Variants in PIP5K1C observed in about 807,000 individuals in gnomAD.
The protein encoded by PIP5K1C is phosphatidylinositol 4-phosphate 5-kinase type-1 gamma.
Under a neutral mutation model 80.1 loss-of-function variants are expected in PIP5K1C, and 45 were observed. The observed-to-expected ratio is 0.56, with a 90% CI of 0.44 to 0.72. PIP5K1C has a LOEUF of 0.72. Ranked by LOEUF, PIP5K1C falls within the 30% of genes least tolerant of loss-of-function variation. The probability of loss-of-function intolerance (pLI) is 0.00; values close to 1 mark genes in which losing one functional copy is unlikely to be tolerated. For synonymous variants in PIP5K1C, 498 were observed against 420.1 expected, an observed-to-expected ratio of 1.19 and a Z score of -2.27; for missense variants, 753 against 954.6, an observed-to-expected ratio of 0.79 and a Z score of 2.78.
rs373846147 is a variant in PIP5K1C at position 3,646,636 on chromosome 19, T to G, written c.1261-578A>C. Among the ~76,000 whole-genome samples the G allele has an allele frequency of 3.9e-4, 60 of 152,312 alleles. No homozygotes were observed. In the East Asian group the frequency reaches 0.011, roughly 27 times the overall value. ...GCCGAGACAGCGCTCCTATCTGCCC[T>G]GGGCAGCAGGTTCCGGGCCTTGGCA... On this transcript the variant is annotated intron_variant, in intron 10 of 17. Transcript: ENST00000335312.
intron 3 of PIP5K1C, among the ~76,000 whole-genome samples, chr19:3,664,548 T>G (rs2034944000): frequency 6.6e-6 from 1 of 152,088 alleles, no homozygotes; most frequent in South Asian, 2.1e-4. Context: ...GAGCCCAGGC[T>G]CTGCCCGAGG....
intron 11 of PIP5K1C, among the ~76,000 whole-genome samples, chr19:3,645,402 T>C (rs1568318224): frequency 6.6e-6 from 1 of 152,154 alleles, no homozygotes; most frequent in East Asian, 1.9e-4. Flanking sequence ...TGCGTCCAGA[T>C]GCTACAGTGG....
chr19:3,642,871 G>C, intron 14 of PIP5K1C, 36 bp downstream of exon 14: 1 of 1,587,870 alleles, frequency 6.3e-7, no homozygotes, highest in Non-Finnish European at 8.6e-7. Context: ...AGGAGGAGCT[G>C]GTGAGACCCA....
intron 16 of PIP5K1C, 103 bp downstream of exon 16, chr19:3,638,781 G>A (rs1386656992): frequency 8.9e-6 from 13 of 1,462,916 alleles, no homozygotes; most frequent in South Asian, 2.3e-5. Context: ...GCACACTCAC[G>A]TGCCTGTGTG....
At position 3,700,423 on chromosome 19, in the gene PIP5K1C, G is replaced by A. The variant is rs760703871; in HGVS notation, c.-33C>T. 1.4e-5 allele frequency: 15 copies of A among 1,055,064 alleles called. No individual in the cohort carries two copies. The Admixed American group carries it at 3.8e-4, about 27-fold the overall frequency. The allele number at this position is 1,055,064 out of a possible 1,614,324, so 65.4% of individuals were successfully genotyped here. On this transcript the variant is annotated 5_prime_UTR_variant, in exon 1 of 18. Transcript: ENST00000335312. ...CGCGGACGGCGGCGGGGGCGCCCGA[G>A]GGGGACCCGAGCTGCGACCGCCGCC...
intron 1 of PIP5K1C, among the ~76,000 whole-genome samples, chr19:3,697,121 AGACGAAGGAGGACTGAGCCG>A (rs1413077134): frequency 7.3e-6 from 1 of 136,762 alleles, no homozygotes; most frequent in African/African-American, 2.8e-5. Flanking sequence ...GGACCGAGCC[AGACGAAGGAGGACTGAGCCG>A]GACGAAGGAG....
intron 1 of PIP5K1C, 92 bp downstream of exon 1, chr19:3,700,205 C>T (rs2036253566): frequency 2.8e-6 from 2 of 713,450 alleles, no homozygotes; most frequent in Non-Finnish European, 3.6e-6. Flanking sequence ...CCCGCAGCGA[C>T]CGTGCAGCCC....
intron 5 of PIP5K1C, among the ~76,000 whole-genome samples, chr19:3,658,347 T>C (rs1476276083): frequency 1.3e-5 from 2 of 151,764 alleles, no homozygotes; most frequent in Non-Finnish European, 2.9e-5. Flanking sequence ...CCGTGTGGGG[T>C]GGACTCTGAG....
At chr19:3,693,864 G>A (rs1324788716) in intron 1 of PIP5K1C, among the ~76,000 whole-genome samples, 1 of 151,928 alleles carries the variant, frequency 6.6e-6, no homozygotes, top group African/African-American at 2.4e-5. Context: ...AAGGGTTCGA[G>A]ACCCTCGCAC....
In PIP5K1C at chr19:3,661,855, CG is replaced by C. The variant is rs1568334754; in HGVS notation, c.350+15del. 5.0e-6 allele frequency: 8 copies of C among 1,610,232 alleles called. No individual in the cohort carries two copies. Among genetic ancestry groups the C allele is most frequent in the Admixed American group, 1.7e-5 (1 of 60,012 alleles). On this transcript the variant is annotated intron_variant, in intron 4 of 17. Transcript: ENST00000335312. ...GTGTGCTGGGTGAGCCCTGAGGCTC[CG>C]GGGGCCCGGCCCACCTGGGGAAGAA...
chr19:3,664,750 T>C (rs1016130114), intron 3 of PIP5K1C, 72 bp downstream of exon 3: 11 of 1,262,940 alleles, frequency 8.7e-6, no homozygotes, highest in African/African-American at 4.4e-5. Flanking sequence ...GCCCCATCCA[T>C]GCTACCAGTG....
intron 4 of PIP5K1C, among the ~76,000 whole-genome samples, chr19:3,661,333 G>C (rs938227718): frequency 2.6e-5 from 4 of 152,178 alleles, no homozygotes; most frequent in Non-Finnish European, 5.9e-5. Context: ...CCAAGAACAG[G>C]ACCATGCCGC....
chr19:3,633,839 G>A lies in PIP5K1C; in HGVS notation c.1921-319C>T, dbSNP rs188754052. Among the ~76,000 whole-genome samples the A allele has an allele frequency of 2.2e-3, 337 of 152,174 alleles. 5 individuals carry two copies. Among genetic ancestry groups the A allele is most frequent in the Admixed American group, 0.016 (239 of 15,276 alleles). The stretch of plus-strand genomic sequence containing the variant: ...GGTGGGGGTCGCGACCTGGAGCACC[G>A]AGTGTTCCTCCTCCTCCTCCTCCTC... On this transcript the variant is annotated intron_variant, in intron 16 of 17. Transcript: ENST00000335312.
intron 1 of PIP5K1C, among the ~76,000 whole-genome samples, chr19:3,689,603 C>T (rs561160409): frequency 4.6e-5 from 7 of 152,190 alleles, no homozygotes; most frequent in Middle Eastern, 3.4e-3. Context: ...GAGCTGAGAT[C>T]GCGCCACTGC....
intron 3 of PIP5K1C, among the ~76,000 whole-genome samples, chr19:3,662,541 C>A (rs763496945): frequency 6.6e-6 from 1 of 152,088 alleles, no homozygotes; most frequent in African/African-American, 2.4e-5. Context: ...CTCTTGCGGA[C>A]GTGGTGTCAG....
At chr19:3,650,408 C>T (rs1027130580) in intron 8 of PIP5K1C, among the ~76,000 whole-genome samples, 1 of 152,278 alleles carries the variant, frequency 6.6e-6, no homozygotes, top group Non-Finnish European at 1.5e-5. Context: ...GTGACCAGGG[C>T]ACAATCTCAG....
In PIP5K1C at chr19:3,692,974, T is replaced by G. The variant is rs995206511; in HGVS notation, c.94+7323A>C. ...TCTCTGTTCAAGTGTGGCCCCCGAG[T>G]CCCCAGCCTTGAGGGCACCTCCGCC... On this transcript the variant is annotated intron_variant, in intron 1 of 17. Transcript: ENST00000335312. The surrounding 1 kb of genome is among the most constrained non-coding windows in gnomAD (Gnocchi z 5.2). Among the ~76,000 whole-genome samples, 1 of 151,254 alleles carries G rather than the reference T, an allele frequency of 6.6e-6. No homozygotes were observed. Among genetic ancestry groups the G allele is most frequent in the East Asian group, 2.0e-4 (1 of 5,112 alleles).
At chr19:3,698,628 C>T (rs900904215) in intron 1 of PIP5K1C, among the ~76,000 whole-genome samples, 5 of 152,096 alleles carry the variant, frequency 3.3e-5, no homozygotes, top group East Asian at 1.9e-4. Flanking sequence ...AAGCCAGGGG[C>T]GTTGCTCAGC....
At chr19:3,691,195 G>A (rs1331667764) in intron 1 of PIP5K1C, among the ~76,000 whole-genome samples, 1 of 152,250 alleles carries the variant, frequency 6.6e-6, no homozygotes, top group Non-Finnish European at 1.5e-5. Context: ...AGTGAGGGAA[G>A]AAGTCGCCTT....
Sources: allele counts gnomAD v4.1 joint callset (sites outside exome capture counted in the v4.1 genomes callset), GRCh38; gene constraint gnomAD v4.1.1; non-coding constraint Gnocchi (gnomAD v3.1); transcripts MANE v1.5; gene names NCBI Gene and HGNC (gene_info 2026-07-23, HGNC 2026-07-21).